The following KCNH2 variants were observed in gnomAD, a reference collection of about 807,000 sequenced individuals.
KCNH2 encodes the protein potassium voltage-gated channel subfamily H member 2, also known as voltage-gated inwardly rectifying potassium channel KCNH2.
KCNH2 carries 35 observed loss-of-function variants against 95.9 expected under a neutral mutation model. That is an observed-to-expected ratio of 0.37 (90% CI 0.28 to 0.48). The LOEUF (loss-of-function observed/expected upper bound fraction) is 0.48. KCNH2 is among the 20% of genes least tolerant of loss of function. The pLI, the probability that KCNH2 is intolerant of heterozygous loss-of-function variation, is 0.99. For missense variants in KCNH2, 1,274 were observed against 1,702.9 expected (o/e 0.75, Z 4.43); for synonymous variants, 786 against 754.7 (o/e 1.04, Z -0.68).
chr7:150,947,715 G>T lies in KCNH2; in HGVS notation c.2856C>A (p.Pro952=). ...GGCTGGAGAAGGGCACCAGGCGGAG[G>T]GGGCTGGAGCTGCGGCCTGGGCCCT... The part of the protein sequence containing the change: ...EDEGPGRSSS[P]LRLVPFSSPR... Residue 952 remains proline, a synonymous_variant, in exon 12 of 15, where the codon CCC becomes CCA. Coordinates refer to ENST00000262186, the MANE Select transcript of KCNH2 (RefSeq NM_000238.4). 6.3e-7 allele frequency: 1 copy of T among 1,580,940 alleles called. No individual in the cohort carries two copies.
intron 2 of KCNH2, among the ~76,000 whole-genome samples, chr7:150,969,075 C>G (rs983977820): frequency 2.6e-5 from 4 of 152,168 alleles, no homozygotes; most frequent in Non-Finnish European, 5.9e-5. Context: ...TTTCCTGAGG[C>G]CCTGAGCCCA....
In KCNH2 at chr7:150,946,624, C is replaced by T. The variant is rs886904270; in HGVS notation, c.3330+253G>A. On this transcript the variant is annotated intron_variant, in intron 14 of 14. Transcript: ENST00000262186. The surrounding 1 kb of genome is among the most constrained non-coding windows in gnomAD (Gnocchi z 6.5). Reference sequence around the variant, plus strand: ...TGTGGACACTAGGGGAGTGAAGCTGCGGGCCACTTAGCCTACAGGTTCCCT... The same window carrying T: ...TGTGGACACTAGGGGAGTGAAGCTGTGGGCCACTTAGCCTACAGGTTCCCT... Among the ~76,000 whole-genome samples, 2 of 152,168 alleles carry T rather than the reference C, an allele frequency of 1.3e-5. No individual in the cohort carries two copies. Among genetic ancestry groups the T allele is most frequent in the Admixed American group, 6.5e-5 (1 of 15,290 alleles).
intron 1 of KCNH2, among the ~76,000 whole-genome samples, chr7:150,975,621 T>G (rs1801964790): frequency 1.3e-5 from 2 of 152,170 alleles, no homozygotes; most frequent in Admixed American, 1.3e-4. Flanking sequence ...GACAACCCCA[T>G]AAGGTAGGTG....
chr7:150,964,147 G>C (rs1801641712), intron 2 of KCNH2, among the ~76,000 whole-genome samples: 1 of 152,236 alleles, frequency 6.6e-6, no homozygotes, highest in Non-Finnish European at 1.5e-5. Context: ...GTCAGCACCA[G>C]GTGGGGAGGA....
intron 4 of KCNH2, 147 bp from the exon 5 acceptor site, chr7:150,957,649 G>T (rs748194678): frequency 2.0e-5 from 14 of 708,486 alleles, no homozygotes; most frequent in Non-Finnish European, 3.3e-5. Flanking sequence ...CAAGAAACAA[G>T]AGAGGTCAGA....
intron 11 of KCNH2, among the ~76,000 whole-genome samples, chr7:150,948,136 T>G (rs1306870545): frequency 6.6e-6 from 1 of 152,228 alleles, no homozygotes; most frequent in Non-Finnish European, 1.5e-5. Context: ...AGCCCCATCG[T>G]TGGCTCCCTG....
In KCNH2 at chr7:150,977,963, C is replaced by A; in HGVS notation, c.-50G>T. 7.7e-7 allele frequency: 1 copy of A among 1,290,442 alleles called. No individual in the cohort carries two copies. Among genetic ancestry groups the A allele is most frequent in the Non-Finnish European group, 1.1e-6 (1 of 947,576 alleles). 79.9% of individuals were successfully genotyped at this position (1,290,442 alleles called of 1,614,324 possible). A position where few individuals can be genotyped will look rare whatever the true frequency, so the allele number is the denominator to read the frequency against. ...GGGCCCCCACCCACCCCGGCCCGGC[C>A]CGGCCCAGCACTAGGCTTCGGGTGG... On this transcript the variant is annotated 5_prime_UTR_variant, in exon 1 of 15. Transcript: ENST00000262186.
intron 2 of KCNH2, 42 bp downstream of exon 2, chr7:150,974,669 G>T (rs778060928): frequency 1.4e-4 from 75 of 527,994 alleles, no homozygotes; most frequent in Non-Finnish European, 1.9e-4. Context: ...CGCCCCTCTT[G>T]ACCCCGCCCC....
chr7:150,974,011 C>T (rs1801904080), intron 2 of KCNH2, among the ~76,000 whole-genome samples: 1 of 152,246 alleles, frequency 6.6e-6, no homozygotes, highest in Admixed American at 6.5e-5. Flanking sequence ...GGTGTGGGAG[C>T]AGCCCCACCC....
In KCNH2 at chr7:150,952,974, G is replaced by T; in HGVS notation, c.1129-121C>A. On this transcript the variant is annotated intron_variant, in intron 5 of 14. Coordinates refer to ENST00000262186, the MANE Select transcript of KCNH2 (RefSeq NM_000238.4). This position sits in a 1 kb window ranked among gnomAD's most constrained non-coding sequence, Gnocchi z 7.3. ...AGGAGGCCAAAAAAAGCTTCCATCA[G>T]AATGCCCACCCCTCAGCCAAGCGAC... is the stretch of plus-strand genomic sequence containing the variant. The T allele has an allele frequency of 1.0e-6, 1 of 959,392 alleles. No individual in the cohort carries two copies. The highest frequency in any genetic ancestry group is 1.6e-6 in the Non-Finnish European group (1 of 639,532). The allele number at this position is 959,392 out of a possible 1,614,324, so 59.4% of individuals were successfully genotyped here. A position where few individuals can be genotyped will look rare whatever the true frequency, so the allele number is the denominator to read the frequency against.
rs531426751 is a variant in KCNH2, at chr7:150,945,392, G to T, written c.3453C>A (p.His1151Gln). The change falls in exon 15 of 15, where the codon CAC becomes CAA. Residue 1151 changes from histidine to glutamine, a missense_variant. His to Gln is a conservative substitution (Grantham distance 24). This residue lies in a region of KCNH2 where 457 missense variants were observed against 416.1 expected (regional missense o/e 1.10). Coordinates refer to ENST00000262186, the MANE Select transcript of KCNH2 (RefSeq NM_000238.4). This position sits in a 1 kb window ranked among gnomAD's most constrained non-coding sequence, Gnocchi z 5.6. The stretch of plus-strand genomic sequence containing the variant: ...AACTGCCCGGGTCCGAGCCGTGTCT[G>T]TGCAGGGGCTGGGAGGTGAGGGCCC... ...QLGALTSQPL[H>Q]RHGSDPGS 3 of 1,589,756 alleles carry T rather than the reference G, an allele frequency of 1.9e-6. No individual in the cohort carries two copies. The East Asian group carries it at 6.9e-5, about 36-fold the overall frequency.
chr7:150,957,952 C>A, intron 4 of KCNH2, 107 bp downstream of exon 4: 1 of 858,148 alleles, frequency 1.2e-6, no homozygotes, highest in Non-Finnish European at 1.6e-6. Flanking sequence ...ATCTCCCAGG[C>A]ACCCAGGACG....
At position 150,959,613 on chromosome 7, in the gene KCNH2, T is replaced by C. The variant is rs146284716; in HGVS notation, c.431A>G (p.Asp144Gly). 2.5e-6 allele frequency: 4 copies of C among 1,613,988 alleles called. No individual in the cohort carries two copies. The highest frequency in any genetic ancestry group is 3.4e-6 in the Non-Finnish European group (4 of 1,180,014). Reference protein sequence around the residue: ...EKDMVGSPAHDTNHRGPPTSW... With the variant: ...EKDMVGSPAHGTNHRGPPTSW... Reference sequence around the variant, plus strand: ...GGTGGGGGGGCCCCGGTGGTTGGTGTCATGAGCCGGGGACCCCACCATGTC... The same window carrying C: ...GGTGGGGGGGCCCCGGTGGTTGGTGCCATGAGCCGGGGACCCCACCATGTC... The change falls in exon 3 of 15, where the codon GAC (aspartate) becomes GGC (glycine). Residue 144 changes from aspartate to glycine, a missense_variant. Asp to Gly is a moderately conservative substitution (Grantham distance 94). Transcript: ENST00000262186.
chr7:150,947,443 G>T lies in KCNH2; in HGVS notation c.3037C>A (p.Pro1013Thr). ...CTGGGGGTGGGGGCGGGGCATCGAG[G>T]GAGCTCCTGGTACTGGCGGCCCCGA... is the stretch of plus-strand genomic sequence containing the variant. ...DSRGRQYQELPRCPAPTPSLL... is the reference protein window; with the variant it reads ...DSRGRQYQELTRCPAPTPSLL... Residue 1013 changes from proline (P) to threonine (T), a missense_variant, in exon 13 of 15, where the codon CCT becomes ACT. Transcript: ENST00000262186. The T allele has an allele frequency of 6.4e-7, 1 of 1,563,540 alleles. No individual in the cohort carries two copies. The highest frequency in any genetic ancestry group is 2.3e-5 in the East Asian group (1 of 42,606).
rs771951663 is a variant in KCNH2, at chr7:150,952,914, C to T, written c.1129-61G>A. On this transcript the variant is annotated intron_variant, in intron 5 of 14. Transcript: ENST00000262186. The surrounding 1 kb of genome is among the most constrained non-coding windows in gnomAD (Gnocchi z 7.3). ...GGCCATGGGACCTCGGGGGCAGGAG[C>T]GATGACATCTCTGCCGGGGCCAAGC... 4.6e-5 allele frequency: 69 copies of T among 1,513,366 alleles called. No individual in the cohort carries two copies. The highest frequency in any genetic ancestry group is 5.6e-5 in the Non-Finnish European group (62 of 1,101,608). The allele number at this position is 1,513,366 out of a possible 1,614,324, so 93.7% of individuals were successfully genotyped here.
intron 5 of KCNH2, among the ~76,000 whole-genome samples, chr7:150,953,489 G>A (rs1313179710): frequency 6.6e-6 from 1 of 152,152 alleles, no homozygotes; most frequent in Non-Finnish European, 1.5e-5. Flanking sequence ...AAGGGACAAA[G>A]AAGACATAGC....
rs199472871 is a variant in KCNH2, at chr7:150,958,253, G to A, written c.722C>T (p.Pro241Leu). The change falls in exon 4 of 15, where the codon CCC (proline) becomes CTC (leucine). Residue 241 changes from proline (P) to leucine (L), a missense_variant. By Grantham distance (98) the Pro-to-Leu change is moderately conservative. Around this residue, in one of 7 missense-constraint regions of KCNH2, gnomAD observed 392 missense variants for 429.9 expected, o/e 0.91. Transcript: ENST00000262186. ...TGGGAGCTGGCCGGGCGCGCTGCGG[G>A]GCGGAGAGCCGGGACCCACCAGCGC... is the stretch of plus-strand genomic sequence containing the variant. The part of the protein sequence containing the change: ...RRALVGPGSP[P>L]RSAPGQLPSP... The A allele has an allele frequency of 2.8e-6, 4 of 1,418,074 alleles. No homozygotes were observed. Among genetic ancestry groups the A allele is most frequent in the Non-Finnish European group, 3.7e-6 (4 of 1,089,146 alleles). 87.8% of individuals were successfully genotyped at this position (1,418,074 alleles called of 1,614,324 possible).
chr7:150,957,628 C>T, intron 4 of KCNH2, 126 bp from the exon 5 acceptor site: 2 of 741,552 alleles, frequency 2.7e-6, no homozygotes, highest in South Asian at 3.0e-5. Context: ...CTCAAGAGAC[C>T]AGGGGAGTCA....
At position 150,951,673 on chromosome 7, in the gene KCNH2, T is replaced by C. The variant is rs199473667; in HGVS notation, c.1720A>G (p.Met574Val). 1.2e-6 allele frequency: 2 copies of C among 1,614,204 alleles called. No individual in the cohort carries two copies. The highest frequency in any genetic ancestry group is 2.2e-5 in the East Asian group (1 of 44,888). Residue 574 changes from methionine to valine, a missense_variant, in exon 7 of 15, where the codon ATG becomes GTG. Physicochemically the swap from Met to Val is conservative, Grantham distance 21 (BLOSUM62 1). Transcript: ENST00000262186. Reference sequence around the variant, plus strand: ...CGTGAGTCCATGTGTGGCTGCTCCATGTTGCCGATGGCGTACCAGATGCAG... The same window carrying C: ...CGTGAGTCCATGTGTGGCTGCTCCACGTTGCCGATGGCGTACCAGATGCAG... ...LACIWYAIGN[M>V]EQPHMDSRIG...
Sources: allele counts gnomAD v4.1 joint callset (sites outside exome capture counted in the v4.1 genomes callset), GRCh38; gene constraint gnomAD v4.1.1; regional missense constraint gnomAD v4.1.1; non-coding constraint Gnocchi (gnomAD v3.1); transcripts MANE v1.5; gene names NCBI Gene and HGNC (gene_info 2026-07-23, HGNC 2026-07-21).